The following DRC8 variants were observed in gnomAD, a reference collection of about 807,000 sequenced individuals.
The protein encoded by DRC8 is dynein regulatory complex protein 8.
chr1:245,049,570 G>A, the DRC8 span, among the ~76,000 whole-genome samples: 1 of 151,842 alleles, frequency 6.6e-6, no homozygotes, highest in Non-Finnish European at 1.5e-5. The surrounding 1 kb of genome is among the most constrained non-coding windows in gnomAD (Gnocchi z 4.5). Flanking sequence ...AAATAAACAC[G>A]CCAATCCTAG....
At chr1:245,063,098 T>C in the DRC8 span, among the ~76,000 whole-genome samples, 1 of 152,142 alleles carries the variant, frequency 6.6e-6, no homozygotes, top group African/African-American at 2.4e-5. Context: ...TGGAACAGAA[T>C]CCTCCAGTGA....
the DRC8 span, among the ~76,000 whole-genome samples, chr1:245,104,248 A>G: frequency 6.6e-6 from 1 of 152,242 alleles, no homozygotes; most frequent in South Asian, 2.1e-4. Context: ...TCAGGCCTGT[A>G]ATCCCAGCAC....
the DRC8 span, among the ~76,000 whole-genome samples, chr1:245,089,505 C>T: frequency 7.9e-5 from 12 of 151,632 alleles, no homozygotes; most frequent in African/African-American, 2.2e-4. This position sits in a 1 kb window ranked among gnomAD's most constrained non-coding sequence, Gnocchi z 4.8. Flanking sequence ...ATGCCAAGAT[C>T]GGAGAGAATT....
chr1:245,028,620 G>A, the DRC8 span, among the ~76,000 whole-genome samples: 1 of 152,124 alleles, frequency 6.6e-6, no homozygotes, highest in African/African-American at 2.4e-5. Flanking sequence ...AAGATGTGGG[G>A]GAAGTAAGAT....
chr1:245,114,828 C>T, the DRC8 span, among the ~76,000 whole-genome samples: 6 of 152,150 alleles, frequency 3.9e-5, no homozygotes, highest in Non-Finnish European at 7.3e-5. Flanking sequence ...TGGGTTTAAG[C>T]GATTCTCTTG....
chr1:245,104,465 C>T, the DRC8 span, among the ~76,000 whole-genome samples: 5 of 149,960 alleles, frequency 3.3e-5, no homozygotes, highest in East Asian at 2.0e-4. Flanking sequence ...GATTGCGCCA[C>T]TGCACTCCAG....
the DRC8 span, among the ~76,000 whole-genome samples, chr1:245,028,637 G>T: frequency 9.2e-5 from 14 of 152,336 alleles, no homozygotes; most frequent in Non-Finnish European, 1.6e-4. Context: ...AGATTTGAGA[G>T]AGAGGAGTGG....
the DRC8 span, among the ~76,000 whole-genome samples, chr1:245,000,279 AG>A: frequency 6.6e-6 from 1 of 152,208 alleles, no homozygotes; most frequent in Admixed American, 6.5e-5. Context: ...GTGATGAAGA[AG>A]GGATGGAGTG....
At chr1:245,116,642 T>C in the DRC8 span, among the ~76,000 whole-genome samples, 12 of 152,302 alleles carry the variant, frequency 7.9e-5, no homozygotes, top group Non-Finnish European at 1.8e-4. Context: ...ATAGATAAAA[T>C]TGTTATTTGT....
the DRC8 span, among the ~76,000 whole-genome samples, chr1:245,080,130 CT>C: frequency 5.9e-5 from 9 of 152,094 alleles, no homozygotes; most frequent in African/African-American, 2.2e-4. Context: ...TAGCAGCAAC[CT>C]ATAGTTTTTC....
At chr1:245,083,937 C>T in the DRC8 span, 3 of 394,992 alleles carry the variant, frequency 7.6e-6, no homozygotes, top group Non-Finnish European at 1.3e-5. Context: ...TCTATAATTT[C>T]AGGCATTGCA....
the DRC8 span, among the ~76,000 whole-genome samples, chr1:245,065,841 C>T: frequency 1.3e-5 from 2 of 151,594 alleles, no homozygotes; most frequent in Non-Finnish European, 2.9e-5. Context: ...CGTCTAGCTG[C>T]CAGTTCGGAC....
chr1:244,989,192 G>C, the DRC8 span, among the ~76,000 whole-genome samples: 5 of 152,162 alleles, frequency 3.3e-5, no homozygotes, highest in Admixed American at 2.0e-4. Flanking sequence ...GCCTCCCGAA[G>C]TGTTGGGATT....
the DRC8 span, among the ~76,000 whole-genome samples, chr1:245,105,834 T>C: frequency 1.3e-5 from 2 of 152,134 alleles, no homozygotes; most frequent in African/African-American, 2.4e-5. Flanking sequence ...CCCAACACTT[T>C]GGGAGGCCAA....
the DRC8 span, among the ~76,000 whole-genome samples, chr1:244,991,315 T>C: frequency 6.6e-6 from 1 of 152,104 alleles, no homozygotes; most frequent in African/African-American, 2.4e-5. Flanking sequence ...GGTGCACTAT[T>C]CTCCCGGCAT....
At chr1:245,024,074 A>G in the DRC8 span, among the ~76,000 whole-genome samples, 1 of 152,052 alleles carries the variant, frequency 6.6e-6, no homozygotes, top group Admixed American at 6.5e-5. Context: ...GGAGGCTGAG[A>G]CAGGAGAATC....
chr1:245,012,205 A>G, the DRC8 span, among the ~76,000 whole-genome samples: 1 of 152,184 alleles, frequency 6.6e-6, no homozygotes, highest in Admixed American at 6.5e-5. Context: ...GGAAACTAAA[A>G]AATAAAGTTA....
At chr1:245,020,217 A>G in the DRC8 span, among the ~76,000 whole-genome samples, 3 of 152,118 alleles carry the variant, frequency 2.0e-5, no homozygotes, top group Non-Finnish European at 4.4e-5. Flanking sequence ...TCTGCTTTGC[A>G]CAAATTGAAA....
At chr1:245,022,589 A>G in the DRC8 span, among the ~76,000 whole-genome samples, 1 of 152,228 alleles carries the variant, frequency 6.6e-6, no homozygotes, top group African/African-American at 2.4e-5. Flanking sequence ...AATAATATAT[A>G]GTGATAAATA....
Sources: allele counts gnomAD v4.1 joint callset (sites outside exome capture counted in the v4.1 genomes callset), GRCh38; gene constraint gnomAD v4.1.1; non-coding constraint Gnocchi (gnomAD v3.1); transcripts MANE v1.5; gene names NCBI Gene and HGNC (gene_info 2026-07-23, HGNC 2026-07-21).